CPD: variants seen among roughly 807,000 people sequenced by gnomAD.
The protein encoded by CPD is carboxypeptidase D.
Under a neutral mutation model 138.3 loss-of-function variants are expected in CPD, and 69 were observed. The ratio of observed to expected loss-of-function variants is 0.50; its 90% CI spans 0.41 to 0.61. The LOEUF (loss-of-function observed/expected upper bound fraction) is 0.61. Among genes scored for constraint, CPD ranks in the 20% least tolerant of loss-of-function variants. The probability of loss-of-function intolerance (pLI) is 0.00; values close to 1 mark genes in which losing one functional copy is unlikely to be tolerated. For missense variants in CPD, 1,432 were observed against 1,733.3 expected (o/e 0.83, Z 3.09); for synonymous variants, 651 against 642.1 (o/e 1.01, Z -0.21).
rs36042178 is a variant in CPD, at chr17:30,467,954, CA to C, written c.*3145del. The C allele has an allele frequency of 1.3e-5, 2 of 151,982 alleles. No homozygotes were observed. The highest frequency in any genetic ancestry group is 2.9e-5 in the Non-Finnish European group (2 of 67,954). 9.4% of individuals were successfully genotyped at this position (151,982 alleles called of 1,614,324 possible). A position where few individuals can be genotyped will look rare whatever the true frequency, so the allele number is the denominator to read the frequency against. On this transcript the variant is annotated 3_prime_UTR_variant, in exon 21 of 21. Transcript: ENST00000225719. ...TATATTTTTGTTTTATTGTTATTAC[CA>C]AAAATTCCACTATGATTGATGTTCA...
intron 2 of CPD, among the ~76,000 whole-genome samples, chr17:30,402,773 A>T (rs917871592): frequency 3.9e-5 from 6 of 152,096 alleles, no homozygotes; most frequent in African/African-American, 1.4e-4. Flanking sequence ...TTTGAATCTT[A>T]TGCTATGAGA....
chr17:30,446,352 GGT>G (rs908900435), intron 12 of CPD, among the ~76,000 whole-genome samples: 3 of 151,636 alleles, frequency 2.0e-5, no homozygotes, highest in Non-Finnish European at 4.4e-5. Flanking sequence ...CAGACCCCAG[GGT>G]GTGATGTTCC....
intron 2 of CPD, among the ~76,000 whole-genome samples, chr17:30,390,284 T>C (rs1407394705): frequency 1.3e-5 from 2 of 152,158 alleles, no homozygotes; most frequent in East Asian, 3.8e-4. Context: ...CCCAAAGTGC[T>C]GGGATTATAA....
At chr17:30,384,030 T>G (rs2143299457) in intron 1 of CPD, among the ~76,000 whole-genome samples, 1 of 152,282 alleles carries the variant, frequency 6.6e-6, no homozygotes, top group South Asian at 2.1e-4. Context: ...CACTTAAAAG[T>G]AGAAGCATTA....
At chr17:30,391,703 G>A (rs549256536) in intron 2 of CPD, among the ~76,000 whole-genome samples, 1 of 152,150 alleles carries the variant, frequency 6.6e-6, no homozygotes, top group African/African-American at 2.4e-5. Context: ...ACAAATTAAT[G>A]AATTTCTCTA....
rs573980885 is a variant in CPD, at chr17:30,411,513, G to GT, written c.995-9321dup. 8.6e-5 allele frequency among the ~76,000 whole-genome samples: 13 copies of GT among 152,020 alleles called. No individual in the cohort carries two copies. In the South Asian group the frequency reaches 2.3e-3, roughly 27 times the overall value. The stretch of plus-strand genomic sequence containing the variant: ...GGTACACCAATCAAATGTAGATTTG[G>GT]TTTTTTTACATAGTCCCATATTTCT... On this transcript the variant is annotated intron_variant, in intron 2 of 20. Coordinates refer to ENST00000225719, the MANE Select transcript of CPD (RefSeq NM_001304.5).
intron 18 of CPD, 144 bp downstream of exon 18, chr17:30,461,455 C>G: frequency 1.8e-6 from 1 of 560,488 alleles, no homozygotes; most frequent in Non-Finnish European, 2.6e-6. Context: ...TTTTATGTTT[C>G]CTAAATAGAT....
intron 7 of CPD, among the ~76,000 whole-genome samples, chr17:30,427,936 C>G (rs1567876323): frequency 6.6e-6 from 1 of 150,900 alleles, no homozygotes; most frequent in African/African-American, 2.4e-5. Context: ...CTACTCTGTT[C>G]TTCCTCCTCC....
At chr17:30,400,634 G>A (rs1345439091) in intron 2 of CPD, among the ~76,000 whole-genome samples, 1 of 123,776 alleles carries the variant, frequency 8.1e-6, no homozygotes, top group African/African-American at 3.1e-5. Context: ...CTCTGAGAAT[G>A]TGTATTTTGC....
At chr17:30,401,677 G>A (rs1025537728) in intron 2 of CPD, among the ~76,000 whole-genome samples, 1 of 152,048 alleles carries the variant, frequency 6.6e-6, no homozygotes, top group African/African-American at 2.4e-5. Flanking sequence ...GTAGAGACAG[G>A]TTTTCAACAT....
intron 2 of CPD, among the ~76,000 whole-genome samples, chr17:30,397,588 A>G (rs1439743635): frequency 3.3e-5 from 5 of 151,882 alleles, no homozygotes; most frequent in Non-Finnish European, 7.4e-5. Flanking sequence ...AAATAAAAAA[A>G]TTAGCCAGGC....
intron 8 of CPD, among the ~76,000 whole-genome samples, chr17:30,434,316 A>G (rs1402000344): frequency 2.0e-5 from 3 of 152,188 alleles, no homozygotes; most frequent in African/African-American, 7.2e-5. Flanking sequence ...AAGTCTCAGC[A>G]TGATCTATCA....
Position 30,385,185 on chromosome 17 carries a change from G to T in CPD, c.943G>T (p.Glu315Ter). The T allele has an allele frequency of 6.2e-7, 1 of 1,613,976 alleles. No homozygotes were observed. The highest frequency in any genetic ancestry group is 1.1e-5 in the South Asian group (1 of 91,068). Residue 315 changes from glutamate to a stop codon, truncating the protein, a stop_gained, in exon 2 of 21, where the codon GAG becomes TAG. Coordinates refer to ENST00000225719, the MANE Select transcript of CPD (RefSeq NM_001304.5). LOFTEE classifies it high-confidence loss of function. ...GEPHCPGDED[E>*]TFKDGITNGA... Reference sequence around the variant, plus strand: ...GCCTCATTGTCCAGGAGATGAAGACGAGACTTTCAAAGATGGAATCACAAA... The same window carrying T: ...GCCTCATTGTCCAGGAGATGAAGACTAGACTTTCAAAGATGGAATCACAAA...
rs1287852806 is a variant in CPD, at chr17:30,469,102, C to G, written c.*4288C>G. On this transcript the variant is annotated 3_prime_UTR_variant, in exon 21 of 21. Transcript: ENST00000225719. Reference sequence around the variant, plus strand: ...CACAGCAAGGATGAATTCAATATCCCCTTTTCACTTAGCAACAATGTGTTA... The same window carrying G: ...CACAGCAAGGATGAATTCAATATCCGCTTTTCACTTAGCAACAATGTGTTA... The G allele has an allele frequency of 1.3e-5, 2 of 152,068 alleles. No individual in the cohort carries two copies. The highest frequency in any genetic ancestry group is 2.9e-5 in the Non-Finnish European group (2 of 67,992). 9.4% of individuals were successfully genotyped at this position (152,068 alleles called of 1,614,324 possible).
rs779415430 is a variant in CPD at position 30,456,527 on chromosome 17, G to T, written c.3498+1G>T. On this transcript the variant is annotated splice_donor_variant, in intron 17 of 20. Coordinates refer to ENST00000225719, the MANE Select transcript of CPD (RefSeq NM_001304.5). LOFTEE classifies it high-confidence loss of function. ...GCATAGTCACCTGGGCAGCATGAAG[G>T]TATGCTTTCTAGAACATGGTTAGAA... The T allele has an allele frequency of 6.2e-7, 1 of 1,613,630 alleles. No individual in the cohort carries two copies. Among genetic ancestry groups the T allele is most frequent in the African/African-American group, 1.3e-5 (1 of 74,900 alleles).
intron 6 of CPD, among the ~76,000 whole-genome samples, chr17:30,424,047 C>T (rs1269216464): frequency 6.6e-6 from 1 of 152,094 alleles, no homozygotes; most frequent in Admixed American, 6.5e-5. Flanking sequence ...ATATGAGTGA[C>T]CATGGCCCAT....
In CPD at chr17:30,468,331, G is replaced by A. The variant is rs568990904; in HGVS notation, c.*3517G>A. On this transcript the variant is annotated 3_prime_UTR_variant, in exon 21 of 21. Coordinates refer to ENST00000225719, the MANE Select transcript of CPD (RefSeq NM_001304.5). ...AGTGTACTAACTACCTTCTATGCTGGCCATGCTACAGATTTTCTGGAGGTA... is the reference window on the plus strand; with the variant it reads ...AGTGTACTAACTACCTTCTATGCTGACCATGCTACAGATTTTCTGGAGGTA... The A allele has an allele frequency of 6.6e-6, 1 of 152,594 alleles. No homozygotes were observed. The highest frequency in any genetic ancestry group is 1.5e-5 in the Non-Finnish European group (1 of 67,968). The allele number at this position is 152,594 out of a possible 1,614,324, so 9.5% of individuals were successfully genotyped here.
intron 2 of CPD, 166 bp downstream of exon 2, chr17:30,385,402 G>A: frequency 1.3e-6 from 1 of 753,962 alleles, no homozygotes; most frequent in Non-Finnish European, 2.0e-6. Flanking sequence ...ACTACATGAA[G>A]ACCTATCTGT....
At chr17:30,439,154 C>A in intron 9 of CPD, 77 bp downstream of exon 9, 1 of 756,756 alleles carries the variant, frequency 1.3e-6, no homozygotes, top group Non-Finnish European at 2.2e-6. Context: ...TTGTTATTAT[C>A]TTTTAGTTTT....
Sources: gnomAD v4.1 joint callset for allele counts (sites outside exome capture counted in the v4.1 genomes callset) on GRCh38, gnomAD v4.1.1 for gene constraint, MANE v1.5 for transcripts, NCBI Gene and HGNC (gene_info 2026-07-23, HGNC 2026-07-21) for gene names.